TMEM132B: variants seen among roughly 807,000 people sequenced by gnomAD.
The protein encoded by TMEM132B is transmembrane protein 132B.
Under a neutral mutation model 90.8 loss-of-function variants are expected in TMEM132B, and 18 were observed. The ratio of observed to expected loss-of-function variants is 0.20; its 90% CI spans 0.14 to 0.29. The LOEUF (loss-of-function observed/expected upper bound fraction) is 0.29, where lower values mean the gene tolerates loss of function less well. Ranked by LOEUF, TMEM132B falls within the 10% of genes least tolerant of loss-of-function variation. The pLI, the probability that TMEM132B is intolerant of heterozygous loss-of-function variation, is 1.00. For missense variants in TMEM132B, 1,096 were observed against 1,326.8 expected (o/e 0.83, Z 2.70); for synonymous variants, 504 against 523.3 (o/e 0.96, Z 0.50).
chr12:125,496,367 C>T (rs1407609815), intron 3 of TMEM132B, among the ~76,000 whole-genome samples: 1 of 152,094 alleles, frequency 6.6e-6, no homozygotes, highest in Non-Finnish European at 1.5e-5. Context: ...CTGGCTTTCC[C>T]TATACATCAG....
intron 3 of TMEM132B, among the ~76,000 whole-genome samples, chr12:125,512,643 T>C (rs1883010848): frequency 6.6e-6 from 1 of 152,226 alleles, no homozygotes; most frequent in Admixed American, 6.5e-5. Flanking sequence ...GTCCCTGATT[T>C]AGACTAGTGG....
chr12:125,603,780 G>T (rs1255592978), intron 5 of TMEM132B, among the ~76,000 whole-genome samples: 1 of 152,128 alleles, frequency 6.6e-6, no homozygotes, highest in East Asian at 1.9e-4. Context: ...TGAAAAGTGG[G>T]CAAAGGATAT....
chr12:125,402,487 T>C (rs1420309728), intron 2 of TMEM132B, among the ~76,000 whole-genome samples: 1 of 152,238 alleles, frequency 6.6e-6, no homozygotes, highest in African/African-American at 2.4e-5. Flanking sequence ...GGTAAATATA[T>C]CTTGAAGGGT....
chr12:125,585,216 C>T (rs946984537), intron 5 of TMEM132B: 1 of 152,154 alleles, frequency 6.6e-6, no homozygotes, highest in Non-Finnish European at 1.5e-5. Context: ...CTTTCCTGGA[C>T]ATGGAATGCT....
At chr12:125,270,319 C>T (rs1874806299) in intron 1 of TMEM132B, among the ~76,000 whole-genome samples, 1 of 152,006 alleles carries the variant, frequency 6.6e-6, no homozygotes, top group African/African-American at 2.4e-5. Context: ...GTTTTATTTT[C>T]CCTCTTGTTA....
chr12:125,491,654 A>AG (rs1346470187), intron 3 of TMEM132B, among the ~76,000 whole-genome samples: 1 of 152,192 alleles, frequency 6.6e-6, no homozygotes, highest in African/African-American at 2.4e-5. Flanking sequence ...CCCACTGTGG[A>AG]GTGGAATATT....
chr12:125,502,763 G>A (rs543695251), intron 3 of TMEM132B, among the ~76,000 whole-genome samples: 36 of 152,166 alleles, frequency 2.4e-4, no homozygotes, highest in Non-Finnish European at 3.7e-4. Context: ...ACAGAGCTTG[G>A]CACAGAGTAG....
intron 1 of TMEM132B, among the ~76,000 whole-genome samples, chr12:125,249,175 G>A (rs560595239): frequency 6.6e-6 from 1 of 152,278 alleles, no homozygotes; most frequent in East Asian, 1.9e-4. Flanking sequence ...CAGCTCAGAG[G>A]CTTAAATTAG....
At chr12:125,561,590 A>G (rs1179946346) in intron 4 of TMEM132B, among the ~76,000 whole-genome samples, 1 of 152,196 alleles carries the variant, frequency 6.6e-6, no homozygotes, top group Non-Finnish European at 1.5e-5. Context: ...TCCTTGATCA[A>G]TGGGATGCTG....
chr12:125,371,587 C>G (rs1878293451), intron 2 of TMEM132B, among the ~76,000 whole-genome samples: 2 of 152,178 alleles, frequency 1.3e-5, no homozygotes, highest in African/African-American at 4.8e-5. Context: ...CTTTTTACCA[C>G]CCACTTAAGA....
chr12:125,594,041 TTTATAATCTCCTC>T (rs1566084021), intron 5 of TMEM132B, among the ~76,000 whole-genome samples: 1 of 152,214 alleles, frequency 6.6e-6, no homozygotes, highest in Non-Finnish European at 1.5e-5. Flanking sequence ...TTCATGTCCC[TTTATAATCTCCTC>T]TCTTCTGCCC....
intron 1 of TMEM132B, among the ~76,000 whole-genome samples, chr12:125,230,350 A>G (rs1873789501): frequency 1.3e-5 from 2 of 152,124 alleles, no homozygotes; most frequent in African/African-American, 4.8e-5. Flanking sequence ...TGCTGCTTCA[A>G]GTGTGGCTCC....
intron 4 of TMEM132B, among the ~76,000 whole-genome samples, chr12:125,548,420 T>A (rs377140305): frequency 2.6e-5 from 4 of 152,108 alleles, no homozygotes; most frequent in Admixed American, 1.3e-4. Flanking sequence ...AATGATTGAG[T>A]CTACTAAGTT....
chr12:125,289,542 G>A (rs1420428569), intron 1 of TMEM132B, among the ~76,000 whole-genome samples: 1 of 152,174 alleles, frequency 6.6e-6, no homozygotes, highest in Non-Finnish European at 1.5e-5. Context: ...CCCTGTATTT[G>A]GAGGTCCACA....
chr12:125,479,502 A>G (rs1021515300), intron 3 of TMEM132B, among the ~76,000 whole-genome samples: 4 of 152,236 alleles, frequency 2.6e-5, no homozygotes, highest in Non-Finnish European at 5.9e-5. Flanking sequence ...ACAAAAATCA[A>G]AAGAGACAAA....
chr12:125,530,667 C>T (rs1174263682), intron 4 of TMEM132B, among the ~76,000 whole-genome samples: 1 of 152,192 alleles, frequency 6.6e-6, no homozygotes, highest in Non-Finnish European at 1.5e-5. Context: ...TTCCAGCTTC[C>T]GCTGGCTCCA....
chr12:125,368,214 G>A (rs1878188937), intron 2 of TMEM132B, among the ~76,000 whole-genome samples: 1 of 152,178 alleles, frequency 6.6e-6, no homozygotes, highest in South Asian at 2.1e-4. Context: ...TTTGTAGATG[G>A]TCTCTTAATT....
chr12:125,638,957 T>C (rs1447037884), intron 5 of TMEM132B, among the ~76,000 whole-genome samples: 1 of 152,204 alleles, frequency 6.6e-6, no homozygotes, highest in Non-Finnish European at 1.5e-5. Flanking sequence ...TCACACATGC[T>C]CACAGATTAA....
At chr12:125,189,941 T>A (rs1438468556) in intron 1 of TMEM132B, among the ~76,000 whole-genome samples, 1 of 151,834 alleles carries the variant, frequency 6.6e-6, no homozygotes, top group Non-Finnish European at 1.5e-5. Flanking sequence ...ATGGAGGGGG[T>A]CCATTTCCCC....
Sources: gnomAD v4.1 joint callset for allele counts (sites outside exome capture counted in the v4.1 genomes callset) on GRCh38, gnomAD v4.1.1 for gene constraint, MANE v1.5 for transcripts, NCBI Gene and HGNC (gene_info 2026-07-23, HGNC 2026-07-21) for gene names.